CPNE4: variants seen among roughly 807,000 people sequenced by gnomAD.
The protein encoded by CPNE4 is copine 4.
In CPNE4, 25 loss-of-function variants were observed where a neutral mutation model predicts 67.9. That is an observed-to-expected ratio of 0.37 (90% confidence interval 0.27 to 0.51). The LOEUF (loss-of-function observed/expected upper bound fraction) is 0.51. Ranked by LOEUF, CPNE4 falls within the 20% of genes least tolerant of loss-of-function variation. CPNE4 has a pLI of 0.93. For synonymous variants in CPNE4, 242 were observed against 244.9 expected (o/e 0.99, Z 0.11); for missense variants, 464 against 690.8 (o/e 0.67, Z 3.68).
chr3:131,792,564 T>C (rs1294043640), intron 2 of CPNE4, among the ~76,000 whole-genome samples: 1 of 145,202 alleles, frequency 6.9e-6, no homozygotes. Context: ...GCCGACCAGA[T>C]ACCTACACTG....
intron 7 of CPNE4, among the ~76,000 whole-genome samples, chr3:131,666,569 G>A (rs1453439637): frequency 2.6e-5 from 4 of 152,104 alleles, no homozygotes; most frequent in Non-Finnish European, 5.9e-5. Context: ...GCTTTTATTG[G>A]CCAAATATGG....
In CPNE4 at chr3:131,542,803, G is replaced by C. The variant is rs143967202; in HGVS notation, c.1303-10C>G. On this transcript the variant is annotated splice_polypyrimidine_tract_variant and intron_variant, in intron 14 of 15. Coordinates refer to ENST00000429747, the MANE Select transcript of CPNE4 (RefSeq NM_130808.3). ...GCAGGATGAAGTATTGCTGCAGTCAGATGCCCCATGATGATGGGGGGGGGT... is the reference window on the plus strand; with the variant it reads ...GCAGGATGAAGTATTGCTGCAGTCACATGCCCCATGATGATGGGGGGGGGT... The C allele has an allele frequency of 8.0e-6, 12 of 1,495,754 alleles. No homozygotes were observed. The African/African-American group carries it at 8.1e-5, about 10-fold the overall frequency. The allele number at this position is 1,495,754 out of a possible 1,614,324, so 92.7% of individuals were successfully genotyped here.
intron 2 of CPNE4, among the ~76,000 whole-genome samples, chr3:131,874,560 G>C (rs1259161951): frequency 6.6e-6 from 1 of 152,180 alleles, no homozygotes; most frequent in Non-Finnish European, 1.5e-5. Flanking sequence ...TTCTTTACTA[G>C]AAATGAAGGT....
At chr3:131,735,175 C>A (rs986592120) in intron 2 of CPNE4, among the ~76,000 whole-genome samples, 8 of 152,206 alleles carry the variant, frequency 5.3e-5, no homozygotes, top group Admixed American at 5.2e-4. Context: ...TCTAAAAAAA[C>A]AGTTTCCTAA....
chr3:131,585,522 A>G (rs1412000941), intron 8 of CPNE4, among the ~76,000 whole-genome samples: 1 of 152,122 alleles, frequency 6.6e-6, no homozygotes, highest in Non-Finnish European at 1.5e-5. Flanking sequence ...AACTTAAACG[A>G]TTTCTCTCTG....
chr3:131,881,533 T>A (rs2087673068), intron 2 of CPNE4, among the ~76,000 whole-genome samples: 1 of 152,050 alleles, frequency 6.6e-6, no homozygotes, highest in Admixed American at 6.6e-5. Context: ...GGTCTTTGGC[T>A]GGAAGGTATT....
At chr3:131,934,885 T>G (rs988435730) in intron 1 of CPNE4, among the ~76,000 whole-genome samples, 10 of 152,154 alleles carry the variant, frequency 6.6e-5, no homozygotes, top group Non-Finnish European at 1.3e-4. Context: ...AGGAAGAAAA[T>G]GCAGGTAAGT....
intron 7 of CPNE4, among the ~76,000 whole-genome samples, chr3:131,588,240 C>T (rs1427233948): frequency 6.6e-5 from 10 of 152,164 alleles, no homozygotes; most frequent in Non-Finnish European, 1.5e-4. Flanking sequence ...CAACCATTCA[C>T]TTCTAACAAA....
chr3:131,811,862 A>T (rs2084540652), intron 2 of CPNE4, among the ~76,000 whole-genome samples: 1 of 152,168 alleles, frequency 6.6e-6, no homozygotes, highest in Non-Finnish European at 1.5e-5. Flanking sequence ...TGATAGCTAT[A>T]AATATCCTGG....
intron 2 of CPNE4, among the ~76,000 whole-genome samples, chr3:131,789,554 A>G (rs1261530372): frequency 2.6e-5 from 4 of 152,170 alleles, no homozygotes; most frequent in Non-Finnish European, 5.9e-5. Context: ...GCCACTTTAC[A>G]GGGTTTTAGG....
intron 1 of CPNE4, among the ~76,000 whole-genome samples, chr3:132,007,463 C>T (rs560417815): frequency 2.6e-5 from 4 of 152,152 alleles, no homozygotes; most frequent in East Asian, 1.9e-4. Flanking sequence ...GAAGAAAACA[C>T]GACGTAAGTA....
At position 131,625,329 on chromosome 3, in the gene CPNE4, T is replaced by A. The variant is rs138267058; in HGVS notation, c.682-37747A>T. On this transcript the variant is annotated intron_variant, in intron 7 of 15. Coordinates refer to ENST00000429747, the MANE Select transcript of CPNE4 (RefSeq NM_130808.3). ...GGCCTCTATTATGTATCATAAATTA[T>A]ATTACCATATTTTATTGGCTTGAAG... is the stretch of plus-strand genomic sequence containing the variant. 3.5e-4 allele frequency among the ~76,000 whole-genome samples: 54 copies of A among 152,344 alleles called. No individual in the cohort carries two copies. The East Asian group carries it at 0.01, about 29-fold the overall frequency.
At chr3:132,014,552 CTT>C (rs1343785697) in intron 1 of CPNE4, among the ~76,000 whole-genome samples, 3 of 152,162 alleles carry the variant, frequency 2.0e-5, no homozygotes, top group Non-Finnish European at 4.4e-5. Context: ...TTCCATTTTA[CTT>C]TTTCTTTCTT....
intron 1 of CPNE4, among the ~76,000 whole-genome samples, chr3:131,959,534 T>A (rs1204886980): frequency 6.6e-6 from 1 of 152,120 alleles, no homozygotes; most frequent in Non-Finnish European, 1.5e-5. Flanking sequence ...GACACCAATT[T>A]CCTTAACATT....
intron 2 of CPNE4, among the ~76,000 whole-genome samples, chr3:131,797,174 G>A (rs2083940285): frequency 6.6e-6 from 1 of 152,152 alleles, no homozygotes; most frequent in Non-Finnish European, 1.5e-5. Context: ...ATTTGTCAAG[G>A]AGGGATGGGC....
At chr3:131,981,110 G>C (rs1000115137) in intron 1 of CPNE4, among the ~76,000 whole-genome samples, 4 of 152,096 alleles carry the variant, frequency 2.6e-5, no homozygotes, top group African/African-American at 9.7e-5. Flanking sequence ...GGGATGCAAT[G>C]GACTCTGTGA....
chr3:131,564,742 G>T (rs1236282311), intron 10 of CPNE4, among the ~76,000 whole-genome samples: 1 of 151,956 alleles, frequency 6.6e-6, no homozygotes, highest in African/African-American at 2.4e-5. Flanking sequence ...CATCTACGCG[G>T]CATAGGTAAG....
At chr3:131,843,197 C>T (rs1391116961) in intron 2 of CPNE4, among the ~76,000 whole-genome samples, 1 of 152,122 alleles carries the variant, frequency 6.6e-6, no homozygotes, top group East Asian at 1.9e-4. Context: ...ATACACCGTG[C>T]CGGATATGAT....
At chr3:131,916,647 G>C (rs999562510) in intron 1 of CPNE4, among the ~76,000 whole-genome samples, 1 of 152,166 alleles carries the variant, frequency 6.6e-6, no homozygotes, top group African/African-American at 2.4e-5. Flanking sequence ...ACAATCTCTA[G>C]TTCAGCATTG....
Sources: gnomAD v4.1 joint callset for allele counts (sites outside exome capture counted in the v4.1 genomes callset) on GRCh38, gnomAD v4.1.1 for gene constraint, MANE v1.5 for transcripts, NCBI Gene and HGNC (gene_info 2026-07-23, HGNC 2026-07-21) for gene names.